NOL4L: variants seen among roughly 807,000 people sequenced by gnomAD.
The protein encoded by NOL4L is nucleolar protein 4-like.
A neutral mutation model predicts 64.5 loss-of-function variants in NOL4L; 7 were observed. The observed-to-expected ratio is 0.11, with a 90% confidence interval of 0.06 to 0.20. The LOEUF (loss-of-function observed/expected upper bound fraction) is 0.20, where lower values mean the gene tolerates loss of function less well. NOL4L is among the 10% of genes least tolerant of loss of function. The probability of loss-of-function intolerance (pLI) is 1.00; values close to 1 mark genes in which losing one functional copy is unlikely to be tolerated. For synonymous variants in NOL4L, 413 were observed against 401.0 expected (o/e 1.03, Z -0.36); for missense variants, 680 against 967.1 (o/e 0.70, Z 3.94).
intron 1 of NOL4L, among the ~76,000 whole-genome samples, chr20:32,543,002 C>T (rs2018679333): frequency 6.6e-6 from 1 of 152,196 alleles, no homozygotes; most frequent in South Asian, 2.1e-4. Context: ...TAAACACGAG[C>T]TCTCTTGCTG....
chr20:32,561,938 G>A (rs1555808641), intron 1 of NOL4L, among the ~76,000 whole-genome samples: 1 of 152,102 alleles, frequency 6.6e-6, no homozygotes, highest in Non-Finnish European at 1.5e-5. Flanking sequence ...GCAATGAGCC[G>A]TGGTCATGCC....
intron 5 of NOL4L, among the ~76,000 whole-genome samples, chr20:32,473,679 T>C (rs1245261706): frequency 6.6e-6 from 1 of 152,184 alleles, no homozygotes; most frequent in African/African-American, 2.4e-5. Flanking sequence ...ATTTACTCTT[T>C]AAGGCTGACC....
intron 2 of NOL4L, among the ~76,000 whole-genome samples, chr20:32,523,047 C>A (rs771714784): frequency 5.9e-5 from 9 of 152,320 alleles, no homozygotes; most frequent in Non-Finnish European, 1.2e-4. Context: ...TGCTGCCTGG[C>A]CAGCTGAGGG....
rs896637311 is a variant in NOL4L at position 32,484,209 on chromosome 20, T to C, written c.700-9467A>G. Among the ~76,000 whole-genome samples the C allele has an allele frequency of 7.2e-5, 11 of 152,116 alleles. No individual in the cohort carries two copies. The South Asian group carries it at 2.1e-3, about 29-fold the overall frequency. Reference sequence around the variant, plus strand: ...TCGGGTCCCCAGGGACGCGGGTACTTGTGGGGCGGGGCTGCCGGGCCTCGG... The same window carrying C: ...TCGGGTCCCCAGGGACGCGGGTACTCGTGGGGCGGGGCTGCCGGGCCTCGG... On this transcript the variant is annotated intron_variant, in intron 4 of 10. Transcript: ENST00000621426.
intron 1 of NOL4L, among the ~76,000 whole-genome samples, chr20:32,581,761 CCG>C (rs1980487952): frequency 6.6e-6 from 1 of 152,202 alleles, no homozygotes; most frequent in Admixed American, 6.5e-5. Flanking sequence ...ACCCCAGTGC[CCG>C]CACAAGGACT....
chr20:32,548,258 T>C (rs1373063679), intron 1 of NOL4L, among the ~76,000 whole-genome samples: 1 of 152,162 alleles, frequency 6.6e-6, no homozygotes, highest in East Asian at 1.9e-4. Context: ...AGACCACATC[T>C]CACTGGCAGG....
intron 1 of NOL4L, among the ~76,000 whole-genome samples, chr20:32,552,463 G>T (rs1407263910): frequency 2.0e-5 from 3 of 152,180 alleles, no homozygotes; most frequent in African/African-American, 7.2e-5. Context: ...AAGGCGGGCG[G>T]ATGACCTGAG....
chr20:32,564,044 G>A (rs1449146069), intron 1 of NOL4L, among the ~76,000 whole-genome samples: 1 of 152,194 alleles, frequency 6.6e-6, no homozygotes, highest in African/African-American at 2.4e-5. Context: ...AAGGGACAAA[G>A]GCGCCCTTGG....
intron 4 of NOL4L, chr20:32,509,831 G>T (rs1469594139): frequency 4.6e-6 from 6 of 1,303,898 alleles, no homozygotes; most frequent in Non-Finnish European, 4.0e-6. Flanking sequence ...AAAACCAGGG[G>T]GCTGTGCTTC....
rs1225881534 is a variant in NOL4L, at chr20:32,526,500, AT to A, written c.477+1257del. Among the ~76,000 whole-genome samples, 5 of 146,364 alleles carry A rather than the reference AT, an allele frequency of 3.4e-5. No homozygotes were observed. In the East Asian group the frequency reaches 9.8e-4, roughly 29 times the overall value. On this transcript the variant is annotated intron_variant, in intron 2 of 10. Coordinates refer to ENST00000621426, the MANE Select transcript of NOL4L (RefSeq NM_001256798.2). ...GGACAAGGACTAACCGGATGGTTGC[AT>A]TAAAAAAAAAAAAAAAAAGATGGGC...
intron 4 of NOL4L, among the ~76,000 whole-genome samples, chr20:32,497,392 G>C (rs1011025631): frequency 2.0e-5 from 3 of 152,186 alleles, no homozygotes; most frequent in Non-Finnish European, 4.4e-5. Context: ...TAAATGCTCA[G>C]CTGCCAGGGG....
At chr20:32,528,000 C>A in intron 1 of NOL4L, 87 bp from the exon 2 acceptor site, 1 of 687,098 alleles carries the variant, frequency 1.5e-6, no homozygotes, top group Non-Finnish European at 2.2e-6. Context: ...GGGGTCAGGA[C>A]GGGCAATGCC....
At chr20:32,533,781 G>A (rs530001804) in intron 1 of NOL4L, among the ~76,000 whole-genome samples, 4 of 152,256 alleles carry the variant, frequency 2.6e-5, no homozygotes, top group East Asian at 1.9e-4. Flanking sequence ...TGGCTTCCTC[G>A]TTTTCCTCAG....
intron 4 of NOL4L, among the ~76,000 whole-genome samples, chr20:32,481,973 G>GGC (rs1555794935): frequency 2.0e-5 from 3 of 150,154 alleles, no homozygotes; most frequent in South Asian, 2.2e-4. Flanking sequence ...GCGGGGGGGG[G>GGC]GGAGCAGGCT....
intron 4 of NOL4L, among the ~76,000 whole-genome samples, chr20:32,493,334 C>T (rs1486489156): frequency 6.6e-6 from 1 of 152,168 alleles, no homozygotes; most frequent in Non-Finnish European, 1.5e-5. Context: ...ACAGAGCCCA[C>T]AGCTCCGGTG....
chr20:32,456,469 C>A lies in NOL4L; in HGVS notation c.842-74G>T, dbSNP rs563731075. On this transcript the variant is annotated intron_variant, in intron 5 of 10. Coordinates refer to ENST00000621426, the MANE Select transcript of NOL4L (RefSeq NM_001256798.2). ...ACTGCAGCCACCTCGGAGTATCCCA[C>A]CCTGTGTCCTCCTCATGAGTGTCCC... is the stretch of plus-strand genomic sequence containing the variant. 11 of 1,352,810 alleles carry A rather than the reference C, an allele frequency of 8.1e-6. No individual in the cohort carries two copies. The African/African-American group carries it at 1.7e-4, about 20-fold the overall frequency. 83.8% of individuals were successfully genotyped at this position (1,352,810 alleles called of 1,614,324 possible). A position where few individuals can be genotyped will look rare whatever the true frequency, so the allele number is the denominator to read the frequency against.
intron 4 of NOL4L, chr20:32,510,525 A>T (rs1317030290): frequency 1.9e-5 from 3 of 160,598 alleles, no homozygotes; most frequent in African/African-American, 7.2e-5. Context: ...CCGGCAGCGC[A>T]GGACAGCTGC....
intron 5 of NOL4L, among the ~76,000 whole-genome samples, chr20:32,467,265 C>A (rs2145464833): frequency 6.6e-6 from 1 of 152,178 alleles, no homozygotes; most frequent in East Asian, 1.9e-4. Flanking sequence ...AGTGTGGGCA[C>A]CTGGATGGGT....
chr20:32,571,261 C>T (rs903541322), intron 1 of NOL4L, among the ~76,000 whole-genome samples: 1 of 152,204 alleles, frequency 6.6e-6, no homozygotes, highest in Non-Finnish European at 1.5e-5. Context: ...GATCTTGGCT[C>T]ATTGCAACCT....
Sources: gnomAD v4.1 joint callset for allele counts (sites outside exome capture counted in the v4.1 genomes callset) on GRCh38, gnomAD v4.1.1 for gene constraint, MANE v1.5 for transcripts, NCBI Gene and HGNC (gene_info 2026-07-23, HGNC 2026-07-21) for gene names.